OR10J1: variants seen among roughly 807,000 people sequenced by gnomAD.
The protein encoded by OR10J1 is olfactory receptor 10J1.
For synonymous variants in OR10J1, 202 were observed against 143.8 expected (o/e 1.40, Z -2.89); for missense variants, 474 against 376.6 (o/e 1.26, Z -2.14).
chr1:159,415,994 C>T, the OR10J1 span, among the ~76,000 whole-genome samples: 1 of 151,718 alleles, frequency 6.6e-6, no homozygotes, highest in Admixed American at 6.6e-5. Flanking sequence ...GGTCACTATT[C>T]ATGTATAAAA....
Position 159,440,490 on chromosome 1 carries a change from G to A in OR10J1, c.699G>A (p.Arg233=), listed in dbSNP as rs201945361. ...TCAAGATTGCTTCAGTTGAGGGCCG[G>A]AAGAAGGCTTTTGCCACCTGTGCAT... is the stretch of plus-strand genomic sequence containing the variant. ...TILKIASVEG[R]KKAFATCASH... Residue 233 remains arginine (R), a synonymous_variant, in exon 1 of 1, where the codon CGG becomes CGA. Coordinates refer to ENST00000423932, the MANE Select transcript of OR10J1 (RefSeq NM_012351.3). The A allele has an allele frequency of 1.9e-6, 3 of 1,614,084 alleles. No homozygotes were observed. Among genetic ancestry groups the A allele is most frequent in the East Asian group, 2.2e-5 (1 of 44,860 alleles).
chr1:159,431,104 C>T, the OR10J1 span, among the ~76,000 whole-genome samples: 4 of 152,084 alleles, frequency 2.6e-5, no homozygotes, highest in Admixed American at 6.6e-5. Context: ...CCACACGGAA[C>T]GGGGAGACTC....
chr1:159,412,800 C>T, the OR10J1 span, among the ~76,000 whole-genome samples: 3 of 151,432 alleles, frequency 2.0e-5, no homozygotes. Flanking sequence ...GTCTAAAACA[C>T]CAAAAGCAAT....
upstream of OR10J1, among the ~76,000 whole-genome samples, chr1:159,433,345 G>T (rs1396985310): frequency 6.6e-6 from 1 of 152,056 alleles, no homozygotes; most frequent in Non-Finnish European, 1.5e-5. Context: ...AGATATATGG[G>T]TTTACCAAGC....
At chr1:159,427,830 A>G in the OR10J1 span, among the ~76,000 whole-genome samples, 1 of 152,134 alleles carries the variant, frequency 6.6e-6, no homozygotes, top group Admixed American at 6.6e-5. Context: ...TAGTAAACTG[A>G]ATTCAGCAGT....
chr1:159,407,520 T>C, the OR10J1 span, among the ~76,000 whole-genome samples: 1 of 152,092 alleles, frequency 6.6e-6, no homozygotes, highest in Non-Finnish European at 1.5e-5. Context: ...AAACATTCCA[T>C]CAGCAGAGAT....
chr1:159,435,671 T>A (rs375089689), upstream of OR10J1, among the ~76,000 whole-genome samples: 3 of 152,132 alleles, frequency 2.0e-5, no homozygotes, highest in Non-Finnish European at 2.9e-5. Context: ...TTGAGCCCTA[T>A]CCGGGGCCCT....
chr1:159,408,005 C>G, the OR10J1 span, among the ~76,000 whole-genome samples: 11 of 151,890 alleles, frequency 7.2e-5, no homozygotes, highest in Admixed American at 5.9e-4. Context: ...AAGAAGGGTT[C>G]CTAACTCAGT....
chr1:159,420,498 G>T, the OR10J1 span, among the ~76,000 whole-genome samples: 1 of 151,988 alleles, frequency 6.6e-6, no homozygotes, highest in South Asian at 2.1e-4. Context: ...TAAATCAGTG[G>T]TTTTTACATT....
chr1:159,414,328 A>T, the OR10J1 span, among the ~76,000 whole-genome samples: 1 of 152,054 alleles, frequency 6.6e-6, no homozygotes, highest in South Asian at 2.1e-4. Flanking sequence ...GCTCCCACAT[A>T]TGAGAGAGGA....
chr1:159,409,334 G>A, the OR10J1 span, among the ~76,000 whole-genome samples: 125 of 152,144 alleles, frequency 8.2e-4, 3 homozygotes, highest in East Asian at 0.02. Context: ...ACTGCTCACC[G>A]ATTAAACCCA....
chr1:159,439,870 CT>C lies in OR10J1; in HGVS notation c.84del (p.Phe28LeufsTer10). The C allele has an allele frequency of 6.2e-7, 1 of 1,614,142 alleles. No homozygotes were observed. The highest frequency in any genetic ancestry group is 1.1e-5 in the South Asian group (1 of 91,082). ...FSSFHEQQIT[L>X]FGVFLALYIL... ...TAGCTTCCATGAGCAGCAGATCACC[CT>C]TTTTGGCGTGTTCCTTGCACTATAC... is the stretch of plus-strand genomic sequence containing the variant. On this transcript the variant is annotated frameshift_variant, in exon 1 of 1. Transcript: ENST00000423932. LOFTEE classifies it low-confidence loss of function (END_TRUNC).
At chr1:159,424,723 A>G in the OR10J1 span, among the ~76,000 whole-genome samples, 1 of 152,116 alleles carries the variant, frequency 6.6e-6, no homozygotes, top group African/African-American at 2.4e-5. Context: ...TTAGGAAATA[A>G]GAGACAAAAC....
At chr1:159,412,772 G>A in the OR10J1 span, among the ~76,000 whole-genome samples, 28 of 151,668 alleles carry the variant, frequency 1.8e-4, no homozygotes, top group Admixed American at 1.7e-3. Flanking sequence ...AGGACATAGG[G>A]ATGGGCAAGG....
chr1:159,432,565 A>G, the OR10J1 span: 6 of 472,610 alleles, frequency 1.3e-5, no homozygotes, highest in Admixed American at 1.9e-4. Flanking sequence ...GCCATGGGGT[A>G]TGACCACTAT....
the OR10J1 span, among the ~76,000 whole-genome samples, chr1:159,423,639 T>C: frequency 6.6e-6 from 1 of 152,148 alleles, no homozygotes; most frequent in South Asian, 2.1e-4. Flanking sequence ...AATGAGGAGA[T>C]TAAGAAAATT....
At chr1:159,421,217 T>A in the OR10J1 span, among the ~76,000 whole-genome samples, 1 of 152,292 alleles carries the variant, frequency 6.6e-6, no homozygotes, top group East Asian at 1.9e-4. Context: ...TTTTATTTAA[T>A]GAATTCTTCA....
At chr1:159,432,764 G>T in the OR10J1 span, 1 of 394,052 alleles carries the variant, frequency 2.5e-6, no homozygotes, top group Non-Finnish European at 4.5e-6. Flanking sequence ...CCATAATGAA[G>T]CTTGCCTGTG....
Position 159,440,589 on chromosome 1 carries a change from C to T in OR10J1, c.798C>T (p.Thr266=). 1.9e-6 allele frequency: 3 copies of T among 1,613,924 alleles called. No individual in the cohort carries two copies. Among genetic ancestry groups the T allele is most frequent in the Non-Finnish European group, 2.5e-6 (3 of 1,179,988 alleles). Residue 266 remains threonine, a synonymous_variant, in exon 1 of 1, where the codon ACC becomes ACT. Coordinates refer to ENST00000423932, the MANE Select transcript of OR10J1 (RefSeq NM_012351.3). The part of the protein sequence containing the change: ...IAYLKPKSEN[T]REHDQLISVT... Reference sequence around the variant, plus strand: ...ACCTCAAGCCCAAGTCAGAGAACACCAGAGAACATGACCAGCTGATCTCGG... The same window carrying T: ...ACCTCAAGCCCAAGTCAGAGAACACTAGAGAACATGACCAGCTGATCTCGG...
Sources: allele counts gnomAD v4.1 joint callset (sites outside exome capture counted in the v4.1 genomes callset), GRCh38; gene constraint gnomAD v4.1.1; transcripts MANE v1.5; gene names NCBI Gene and HGNC (gene_info 2026-07-23, HGNC 2026-07-21).